Variants in VAV2 observed in about 807,000 individuals in gnomAD.
VAV2 encodes the protein vav guanine nucleotide exchange factor 2.
Under a neutral mutation model 132.5 loss-of-function variants are expected in VAV2, and 67 were observed. That is an observed-to-expected ratio of 0.51 (90% CI 0.42 to 0.62). VAV2 has a LOEUF of 0.62. Among genes scored for constraint, VAV2 ranks in the 20% least tolerant of loss-of-function variants. The pLI, the probability that VAV2 is intolerant of heterozygous loss-of-function variation, is 0.00. For missense variants in VAV2, 938 were observed against 1,153.6 expected (o/e 0.81, Z 2.71); for synonymous variants, 492 against 443.5 (o/e 1.11, Z -1.37).
intron 1 of VAV2, among the ~76,000 whole-genome samples, chr9:133,972,670 A>G (rs1842378569): frequency 6.6e-6 from 1 of 152,142 alleles, no homozygotes; most frequent in African/African-American, 2.4e-5. Context: ...AGTCCTCACA[A>G]AGCAGATCCG....
At chr9:133,846,290 G>T (rs1045013266) in intron 3 of VAV2, among the ~76,000 whole-genome samples, 33 of 152,126 alleles carry the variant, frequency 2.2e-4, no homozygotes, top group Admixed American at 2.2e-3. Flanking sequence ...AAAGGGCCTG[G>T]GTGTCACCCC....
chr9:133,861,449 G>A lies in VAV2; in HGVS notation c.322-17C>T, dbSNP rs1439836325. ...GGAGATGACCTGGGGGAGACAAGAAGAGACGCTCCTGTAATTTCACAAGAA... is the reference window on the plus strand; with the variant it reads ...GGAGATGACCTGGGGGAGACAAGAAAAGACGCTCCTGTAATTTCACAAGAA... On this transcript the variant is annotated splice_polypyrimidine_tract_variant and intron_variant, in intron 2 of 29. Coordinates refer to ENST00000371850, the MANE Select transcript of VAV2 (RefSeq NM_001134398.2). 2 of 1,612,056 alleles carry A rather than the reference G, an allele frequency of 1.2e-6. No homozygotes were observed. Among genetic ancestry groups the A allele is most frequent in the Non-Finnish European group, 1.7e-6 (2 of 1,179,442 alleles).
chr9:133,934,646 C>T (rs1050483504), intron 2 of VAV2, among the ~76,000 whole-genome samples: 8 of 152,236 alleles, frequency 5.3e-5, no homozygotes, highest in African/African-American at 1.4e-4. Flanking sequence ...AAGACTTGCC[C>T]CACAGGTTCT....
intron 2 of VAV2, among the ~76,000 whole-genome samples, chr9:133,911,016 C>A (rs1839866759): frequency 6.6e-6 from 1 of 152,014 alleles, no homozygotes; most frequent in African/African-American, 2.4e-5. Flanking sequence ...CAGCTGGGAG[C>A]GCCGTGGCCT....
In VAV2 at chr9:133,769,476, A is replaced by T. The variant is rs531614938; in HGVS notation, c.2375T>A (p.Phe792Tyr). The change falls in exon 28 of 30, where the codon TTT (phenylalanine) becomes TAT (tyrosine). Residue 792 changes from phenylalanine (F) to tyrosine (Y), a missense_variant. Phe to Tyr is a conservative substitution (Grantham distance 22). Coordinates refer to ENST00000371850, the MANE Select transcript of VAV2 (RefSeq NM_001134398.2). This position sits in a 1 kb window ranked among gnomAD's most constrained non-coding sequence, Gnocchi z 8.1. ...PASCASYNFS[F>Y]LSPQGLSFAS... is the part of the protein sequence containing the mutation. The stretch of plus-strand genomic sequence containing the variant: ...AAAGCTGAGGCCCTGAGGACTGAGA[A>T]AAGAAAAGTTGTAGGAAGCACAGGA... The T allele has an allele frequency of 1.5e-5, 24 of 1,613,056 alleles. No individual in the cohort carries two copies. In the African/African-American group the frequency reaches 2.8e-4, roughly 19 times the overall value.
intron 2 of VAV2, among the ~76,000 whole-genome samples, chr9:133,925,337 T>C (rs7855827): frequency 0.13 from 19,759 of 152,160 alleles, 2,223 homozygotes; most frequent in African/African-American, 0.3. Flanking sequence ...CTGCCTCAGC[T>C]TCCCAAGTAG....
rs542152970 is a variant in VAV2 at position 133,861,347 on chromosome 9, C to T, written c.380+27G>A. The T allele has an allele frequency of 1.0e-5, 16 of 1,600,814 alleles. No individual in the cohort carries two copies. The South Asian group carries it at 1.5e-4, about 15-fold the overall frequency. On this transcript the variant is annotated intron_variant, in intron 3 of 29. Transcript: ENST00000371850. ...GTCGATGGAGATGAAAGGACCCGGC[C>T]TTGGCAGCGCACTCCGGAGAGCTCA...
At chr9:133,882,971 C>A (rs1310714611) in intron 2 of VAV2, among the ~76,000 whole-genome samples, 1 of 152,154 alleles carries the variant, frequency 6.6e-6, no homozygotes, top group African/African-American at 2.4e-5. Context: ...GGGGTTCCAC[C>A]TTCCCCAGAG....
intron 1 of VAV2, among the ~76,000 whole-genome samples, chr9:133,981,843 G>A (rs144934278): frequency 3.7e-4 from 56 of 152,346 alleles, no homozygotes; most frequent in African/African-American, 1.0e-3. Flanking sequence ...AGGAAAATGG[G>A]GCTGAGAGCA....
chr9:133,965,181 G>A (rs866857018), intron 1 of VAV2, among the ~76,000 whole-genome samples: 3 of 151,852 alleles, frequency 2.0e-5, no homozygotes, highest in Admixed American at 6.6e-5. Flanking sequence ...CAATGGACTA[G>A]CAGAATAAAA....
chr9:133,876,500 C>T (rs951716292), intron 2 of VAV2, among the ~76,000 whole-genome samples: 9 of 152,278 alleles, frequency 5.9e-5, no homozygotes, highest in Non-Finnish European at 1.3e-4. Context: ...AGAGCCCACG[C>T]ACAGGCCCGG....
At chr9:133,972,832 A>G (rs1433972050) in intron 1 of VAV2, among the ~76,000 whole-genome samples, 2 of 151,656 alleles carry the variant, frequency 1.3e-5, no homozygotes, top group Non-Finnish European at 2.9e-5. Context: ...GGCATGATGC[A>G]GGTGGCCCGA....
intron 17 of VAV2, 35 bp from the exon 18 acceptor site, chr9:133,784,453 A>C: frequency 6.2e-7 from 1 of 1,610,138 alleles, no homozygotes; most frequent in Non-Finnish European, 8.5e-7. Flanking sequence ...TGCTACACCC[A>C]CTGGATTCCC....
intron 1 of VAV2, among the ~76,000 whole-genome samples, chr9:133,965,697 GACC>G (rs1390528104): frequency 6.6e-6 from 1 of 152,174 alleles, no homozygotes; most frequent in Non-Finnish European, 1.5e-5. Flanking sequence ...ATTTGAAAAT[GACC>G]ACACTACCAA....
At chr9:133,837,076 G>A (rs905575912) in intron 3 of VAV2, among the ~76,000 whole-genome samples, 1 of 152,218 alleles carries the variant, frequency 6.6e-6, no homozygotes, top group African/African-American at 2.4e-5. Flanking sequence ...CCTGCTCCCT[G>A]TGACTTTGGA....
chr9:133,916,930 G>A lies in VAV2; in HGVS notation c.321+22173C>T, dbSNP rs77543244. The stretch of plus-strand genomic sequence containing the variant: ...ACCCCCTCTAAGCCTCAGCGTCCCC[G>A]TCCATCAAATGTGAGGATTAAATGA... On this transcript the variant is annotated intron_variant, in intron 2 of 29. Transcript: ENST00000371850. Among the ~76,000 whole-genome samples the A allele has an allele frequency of 9.5e-4, 145 of 152,194 alleles. 1 individual carries two copies. The highest frequency in any genetic ancestry group is 3.5e-3 in the East Asian group (18 of 5,180).
chr9:133,797,563 G>A, intron 10 of VAV2, 147 bp downstream of exon 10: 1 of 741,174 alleles, frequency 1.3e-6, no homozygotes, highest in Non-Finnish European at 2.1e-6. Flanking sequence ...ATGCAAAAAA[G>A]AAAAATCTAC....
At position 133,874,339 on chromosome 9, in the gene VAV2, C is replaced by T. The variant is rs1039297575; in HGVS notation, c.322-12907G>A. ...AGCCCCTCCTGGGCATCACTCAGCG[C>T]TGCTGTGGCTGCAGGAGCCAGGCAC... On this transcript the variant is annotated intron_variant, in intron 2 of 29. Coordinates refer to ENST00000371850, the MANE Select transcript of VAV2 (RefSeq NM_001134398.2). Among the ~76,000 whole-genome samples, 3 of 152,346 alleles carry T rather than the reference C, an allele frequency of 2.0e-5. No homozygotes were observed. In the East Asian group the frequency reaches 5.8e-4, roughly 29 times the overall value.
rs1406598559 is a variant in VAV2, at chr9:133,961,758, GGC to G, written c.205-22541_205-22540del. ...ACACAGGACACAACCACGGCCCAGT[GGC>G]TCAGGGAGAAGACCCGGGCTTGCAT... On this transcript the variant is annotated intron_variant, in intron 1 of 29. Coordinates refer to ENST00000371850, the MANE Select transcript of VAV2 (RefSeq NM_001134398.2). This position sits in a 1 kb window ranked among gnomAD's most constrained non-coding sequence, Gnocchi z 4.1. 6.6e-6 allele frequency among the ~76,000 whole-genome samples: 1 copy of G among 152,166 alleles called. No homozygotes were observed. Among genetic ancestry groups the G allele is most frequent in the Non-Finnish European group, 1.5e-5 (1 of 68,018 alleles).
Sources: allele counts gnomAD v4.1 joint callset (sites outside exome capture counted in the v4.1 genomes callset), GRCh38; gene constraint gnomAD v4.1.1; non-coding constraint Gnocchi (gnomAD v3.1); transcripts MANE v1.5; gene names NCBI Gene and HGNC (gene_info 2026-07-23, HGNC 2026-07-21).